ZBTB20: variants seen among roughly 807,000 people sequenced by gnomAD.
The protein encoded by ZBTB20 is zinc finger and BTB domain-containing protein 20.
In ZBTB20, 9 loss-of-function variants were observed where a neutral mutation model predicts 56.9. The ratio of observed to expected loss-of-function variants is 0.16; its 90% CI spans 0.10 to 0.28. The LOEUF is 0.28. Ranked by LOEUF, ZBTB20 falls within the 10% of genes least tolerant of loss-of-function variation. The probability of loss-of-function intolerance (pLI) is 1.00; values close to 1 mark genes in which losing one functional copy is unlikely to be tolerated. For missense variants in ZBTB20, 655 were observed against 1,003.0 expected, an observed-to-expected ratio of 0.65 and a Z score of 4.69; for synonymous variants, 417 against 420.7, an observed-to-expected ratio of 0.99 and a Z score of 0.11.
intron 11 of ZBTB20, among the ~76,000 whole-genome samples, chr3:114,340,001 A>G (rs1043213486): frequency 6.6e-6 from 1 of 152,170 alleles, no homozygotes; most frequent in African/African-American, 2.4e-5. Flanking sequence ...GGAATACGTT[A>G]TTTTGAAGAG....
At position 114,319,801 on chromosome 3, in the gene ZBTB20, C is replaced by CAAGCATATACATATATATATATATAT. The variant is rs1465136462; in HGVS notation, c.*19178_*19203dup. 6.7e-5 allele frequency: 5 copies of CAAGCATATACATATATATATATATAT among 74,164 alleles called. No homozygotes were observed. The highest frequency in any genetic ancestry group is 1.6e-4 in the African/African-American group (3 of 18,872). The allele number at this position is 74,164 out of a possible 1,614,324, so 4.6% of individuals were successfully genotyped here. A position where few individuals can be genotyped will look rare whatever the true frequency, so the allele number is the denominator to read the frequency against. On this transcript the variant is annotated 3_prime_UTR_variant, in exon 12 of 12. Transcript: ENST00000675478. ...CATACATCTTGAAAAACCACTTTCT[C>CAAGCATATACATATATATATATATAT]AAGCATATACATATATATATATATA...
At chr3:114,760,400 G>A (rs72954594) in intron 5 of ZBTB20, among the ~76,000 whole-genome samples, 5,212 of 152,208 alleles carry the variant, frequency 0.034, 144 homozygotes, top group African/African-American at 0.07. Flanking sequence ...ACATAAACAT[G>A]TAGGATGGGC....
chr3:115,050,900 C>T (rs2081522407), intron 2 of ZBTB20, among the ~76,000 whole-genome samples: 1 of 151,978 alleles, frequency 6.6e-6, no homozygotes, highest in Non-Finnish European at 1.5e-5. Context: ...AATAGAAAAA[C>T]AAAGTCAATC....
At position 114,344,851 on chromosome 3, in the gene ZBTB20, G is replaced by T. The variant is rs138489496; in HGVS notation, c.1804+5423C>A. ...CACTGAATTCATGGCTGAAATAGCT[G>T]AACTTCTCAAAGTAATAAGCAAAAT... On this transcript the variant is annotated intron_variant, in intron 11 of 11. Transcript: ENST00000675478. Among the ~76,000 whole-genome samples the T allele has an allele frequency of 1.5e-4, 23 of 152,284 alleles. No individual in the cohort carries two copies. In the East Asian group the frequency reaches 4.4e-3, roughly 29 times the overall value.
intron 5 of ZBTB20, among the ~76,000 whole-genome samples, chr3:114,733,332 A>G (rs532909061): frequency 1.3e-5 from 2 of 152,324 alleles, no homozygotes; most frequent in African/African-American, 4.8e-5. Context: ...AACGCCTGAC[A>G]GAAGGCTGAA....
At chr3:114,653,748 C>A (rs2060249710) in intron 6 of ZBTB20, among the ~76,000 whole-genome samples, 1 of 151,718 alleles carries the variant, frequency 6.6e-6, no homozygotes, top group South Asian at 2.1e-4. Context: ...ACTATCTAAA[C>A]CTGAAGTTCT....
intron 2 of ZBTB20, among the ~76,000 whole-genome samples, chr3:115,039,727 G>T (rs2081066584): frequency 6.6e-6 from 1 of 152,080 alleles, no homozygotes; most frequent in South Asian, 2.1e-4. Flanking sequence ...TTAAGAAGAA[G>T]TTTATGCACT....
intron 6 of ZBTB20, among the ~76,000 whole-genome samples, chr3:114,626,530 A>C (rs918385113): frequency 1.3e-5 from 2 of 152,218 alleles, no homozygotes; most frequent in African/African-American, 2.4e-5. Context: ...GAGAGGAATC[A>C]ATATGAAGAC....
intron 11 of ZBTB20, among the ~76,000 whole-genome samples, chr3:114,347,029 G>A (rs2080242099): frequency 1.4e-5 from 2 of 144,600 alleles, no homozygotes; most frequent in African/African-American, 2.6e-5. Flanking sequence ...ACATAGAGCA[G>A]TACAAGATTT....
At position 114,883,922 on chromosome 3, in the gene ZBTB20, T is replaced by C. The variant is rs1307287170; in HGVS notation, c.-417+16382A>G. 4.1e-4 allele frequency among the ~76,000 whole-genome samples: 25 copies of C among 61,438 alleles called. 4 individuals carry two copies. Among genetic ancestry groups the C allele is most frequent in the East Asian group, 3.3e-3 (3 of 898 alleles). 40.3% of individuals were successfully genotyped at this position (61,438 alleles called of 152,430 possible). On this transcript the variant is annotated intron_variant, in intron 4 of 11. Transcript: ENST00000675478. The stretch of plus-strand genomic sequence containing the variant: ...CTGGTAAGAATGGTGTGTTCTTTTT[T>C]TTTTTTTTTTTTTTTTTTTTTGAGA...
chr3:114,991,076 T>G (rs1296742635), intron 2 of ZBTB20, among the ~76,000 whole-genome samples: 6 of 152,222 alleles, frequency 3.9e-5, no homozygotes, highest in Non-Finnish European at 8.8e-5. Flanking sequence ...TCATTGATTT[T>G]TTGAAGGGTT....
At chr3:114,519,448 C>T (rs2046389264) in intron 6 of ZBTB20, among the ~76,000 whole-genome samples, 1 of 151,956 alleles carries the variant, frequency 6.6e-6, no homozygotes, top group Non-Finnish European at 1.5e-5. Context: ...TTCCATCAAA[C>T]CCCAGTAATG....
chr3:114,798,983 A>T (rs759770225), intron 5 of ZBTB20, among the ~76,000 whole-genome samples: 12 of 151,626 alleles, frequency 7.9e-5, no homozygotes, highest in South Asian at 2.1e-4. Context: ...AAATGTATGT[A>T]AAAAAGAAAA....
intron 5 of ZBTB20, among the ~76,000 whole-genome samples, chr3:114,731,375 T>C (rs1258119627): frequency 6.6e-6 from 1 of 152,220 alleles, no homozygotes; most frequent in Non-Finnish European, 1.5e-5. Flanking sequence ...CTTGCATTTA[T>C]CCATTTAGAA....
At chr3:115,128,868 G>A (rs1037000315) in intron 1 of ZBTB20, among the ~76,000 whole-genome samples, 11 of 152,088 alleles carry the variant, frequency 7.2e-5, no homozygotes, top group African/African-American at 2.4e-4. Context: ...GGGAAGCCCA[G>A]GCAGGCAGAT....
chr3:114,713,288 A>G lies in ZBTB20; in HGVS notation c.-342-19713T>C, dbSNP rs186672772. On this transcript the variant is annotated intron_variant, in intron 5 of 11. Coordinates refer to ENST00000675478, the MANE Select transcript of ZBTB20 (RefSeq NM_001348800.3). ...AATGCAGATGGGTCTCAATTGACGC[A>G]TGAGCTCATCTGTTTTTTACAACTC... 3.4e-3 allele frequency among the ~76,000 whole-genome samples: 523 copies of G among 152,284 alleles called. 1 individual carries two copies. Among genetic ancestry groups the G allele is most frequent in the African/African-American group, 0.012 (500 of 41,560 alleles).
At chr3:114,805,219 C>T (rs1222032891) in intron 4 of ZBTB20, among the ~76,000 whole-genome samples, 4 of 151,828 alleles carry the variant, frequency 2.6e-5, no homozygotes, top group African/African-American at 7.2e-5. Flanking sequence ...AACTAAACTA[C>T]AGACTTTATT....
intron 5 of ZBTB20, among the ~76,000 whole-genome samples, chr3:114,773,814 C>G (rs1258317917): frequency 6.6e-6 from 1 of 152,178 alleles, no homozygotes; most frequent in Non-Finnish European, 1.5e-5. Context: ...GTTTTGCCTA[C>G]TATACAAGTT....
chr3:115,104,814 A>G (rs1414240067), intron 1 of ZBTB20, among the ~76,000 whole-genome samples: 1 of 152,226 alleles, frequency 6.6e-6, no homozygotes, highest in Non-Finnish European at 1.5e-5. Context: ...TCAGACCCAC[A>G]GAAGGCACAA....
Sources: gnomAD v4.1 joint callset for allele counts (sites outside exome capture counted in the v4.1 genomes callset) on GRCh38, gnomAD v4.1.1 for gene constraint, MANE v1.5 for transcripts, NCBI Gene and HGNC (gene_info 2026-07-23, HGNC 2026-07-21) for gene names.